Variants in KIF21B observed in about 807,000 individuals in gnomAD.
KIF21B encodes kinesin family member 21B.
Under a neutral mutation model 192.9 loss-of-function variants are expected in KIF21B, and 85 were observed. The ratio of observed to expected loss-of-function variants is 0.44; its 90% CI spans 0.37 to 0.53. The LOEUF is 0.53. KIF21B is among the 20% of genes least tolerant of loss of function. The pLI is 0.00. For synonymous variants in KIF21B, 832 were observed against 884.6 expected (o/e 0.94, Z 1.05); for missense variants, 1,716 against 2,194.8 (o/e 0.78, Z 4.36).
chr1:200,999,429 T>A lies in KIF21B; in HGVS notation c.1805A>T (p.Glu602Val). The change falls in exon 13 of 35, where the codon GAG (glutamate) becomes GTG (valine). Residue 602 changes from glutamate (E) to valine (V), a missense_variant. Physicochemically the swap from Glu to Val is moderately radical, Grantham distance 121 (BLOSUM62 -2). This residue lies in a region of KIF21B where 1,087 missense variants were observed against 1,316.6 expected (regional missense o/e 0.83). Coordinates refer to ENST00000461742, the MANE Select transcript of KIF21B (RefSeq NM_001252102.2). This position sits in a 1 kb window ranked among gnomAD's most constrained non-coding sequence, Gnocchi z 4.7. ...EERDESGCEE[E>V]EGREDEDEDS... ...CTCATCTTCATCCTCGCGCCCTTCC[T>A]CCTCCTCACAGCCACTCTCGTCTCG... The A allele has an allele frequency of 1.2e-6, 2 of 1,613,982 alleles. No individual in the cohort carries two copies. The highest frequency in any genetic ancestry group is 1.7e-6 in the Non-Finnish European group (2 of 1,179,958).
intron 17 of KIF21B, 101 bp downstream of exon 17, chr1:200,991,556 C>A: frequency 1.6e-6 from 2 of 1,218,980 alleles, no homozygotes; most frequent in Non-Finnish European, 1.2e-6. Context: ...TATTCCACCG[C>A]CAGGAAGTTG....
At chr1:201,003,214 A>G (rs1421513989) in intron 8 of KIF21B, 1 of 322,768 alleles carries the variant, frequency 3.1e-6, no homozygotes, top group Non-Finnish European at 6.0e-6. Context: ...CCCTCTATCA[A>G]CGATTCTGTG....
rs1460951792 is a variant in KIF21B, at chr1:201,017,134, C to T, written c.41+6209G>A. On this transcript the variant is annotated intron_variant, in intron 1 of 34. Coordinates refer to ENST00000461742, the MANE Select transcript of KIF21B (RefSeq NM_001252102.2). This position sits in a 1 kb window ranked among gnomAD's most constrained non-coding sequence, Gnocchi z 4.1. ...GGCTAACAGGGGAGGGGGTGCCTGC[C>T]ATGAGGCACCTTGAGAGTCCTGTTG... Among the ~76,000 whole-genome samples the T allele has an allele frequency of 2.0e-5, 3 of 152,144 alleles. No individual in the cohort carries two copies. Among genetic ancestry groups the T allele is most frequent in the Non-Finnish European group, 4.4e-5 (3 of 68,018 alleles).
chr1:200,993,155 G>A (rs911084306), intron 15 of KIF21B, among the ~76,000 whole-genome samples: 8 of 152,214 alleles, frequency 5.3e-5, no homozygotes, highest in South Asian at 4.1e-4. Flanking sequence ...CCATTAGTGC[G>A]GCCGGAGGCG....
intron 15 of KIF21B, 100 bp from the exon 16 acceptor site, chr1:200,992,489 G>A: frequency 8.1e-7 from 1 of 1,241,792 alleles, no homozygotes; most frequent in Non-Finnish European, 1.2e-6. Context: ...GGCAGGGATA[G>A]TGGCTAGCCA....
intron 14 of KIF21B, among the ~76,000 whole-genome samples, chr1:200,997,270 G>A (rs1291851955): frequency 6.6e-6 from 1 of 152,282 alleles, no homozygotes; most frequent in South Asian, 2.1e-4. Context: ...CCCTCTCACT[G>A]TGCTCTAACC....
intron 21 of KIF21B, 132 bp from the exon 22 acceptor site, chr1:200,989,063 A>T (rs1484290574): frequency 2.1e-6 from 2 of 949,034 alleles, no homozygotes; most frequent in Non-Finnish European, 3.1e-6. Context: ...TGTACCTGGC[A>T]CAGACCTGAG....
At chr1:200,987,870 A>T (rs1202372458) in intron 24 of KIF21B, among the ~76,000 whole-genome samples, 1 of 152,220 alleles carries the variant, frequency 6.6e-6, no homozygotes, top group African/African-American at 2.4e-5. Flanking sequence ...ATCCCTCATT[A>T]TTAGGTAAAC....
chr1:201,007,795 CAT>C lies in KIF21B; in HGVS notation c.447+972_447+973del, dbSNP rs1240586770. On this transcript the variant is annotated intron_variant, in intron 3 of 34. Transcript: ENST00000461742. The stretch of plus-strand genomic sequence containing the variant: ...ACATACAAAGATGCGCACACAGACA[CAT>C]AGACACACACATAGACACACAAGAC... Among the ~76,000 whole-genome samples, 4 of 151,836 alleles carry C rather than the reference CAT, an allele frequency of 2.6e-5. No homozygotes were observed. In the East Asian group the frequency reaches 5.8e-4, roughly 22 times the overall value.
At chr1:200,974,657 G>A (rs1655425475) in intron 34 of KIF21B, 57 bp downstream of exon 34, 11 of 1,429,878 alleles carry the variant, frequency 7.7e-6, no homozygotes, top group Non-Finnish European at 1.0e-5. Flanking sequence ...AGCCTCCCCT[G>A]CCCACACCAG....
Position 201,002,300 on chromosome 1 carries a change from G to T in KIF21B, c.1263C>A (p.Phe421Leu), listed in dbSNP as rs772692795. The T allele has an allele frequency of 3.3e-5, 53 of 1,614,060 alleles. No individual in the cohort carries two copies. The highest frequency in any genetic ancestry group is 5.0e-5 in the Admixed American group (3 of 59,994). Residue 421 changes from phenylalanine (F) to leucine (L), a missense_variant, in exon 9 of 35, where the codon TTC becomes TTA. Phe to Leu is a conservative substitution (Grantham distance 22). Coordinates refer to ENST00000461742, the MANE Select transcript of KIF21B (RefSeq NM_001252102.2). ...CCTTCTGTAGCATGGCATTCTCTCGGAACAGATCACTATAGCCCTCAGCGC... is the reference window on the plus strand; with the variant it reads ...CCTTCTGTAGCATGGCATTCTCTCGTAACAGATCACTATAGCCCTCAGCGC... Reference protein sequence around the residue: ...EDGAEGYSDLFRENAMLQKEN... With the variant: ...EDGAEGYSDLLRENAMLQKEN...
chr1:200,975,790 T>A lies in KIF21B; in HGVS notation c.4444-121A>T. 1.0e-6 allele frequency: 1 copy of A among 998,602 alleles called. No homozygotes were observed. The allele number at this position is 998,602 out of a possible 1,614,324, so 61.9% of individuals were successfully genotyped here. A position where few individuals can be genotyped will look rare whatever the true frequency, so the allele number is the denominator to read the frequency against. ...CTGGCTAGGGTGACAGCCACTGCCC[T>A]CTGGGGAGAGGAGCTTCCCAGCAGG... On this transcript the variant is annotated intron_variant, in intron 32 of 34. Transcript: ENST00000461742. This position sits in a 1 kb window ranked among gnomAD's most constrained non-coding sequence, Gnocchi z 4.3.
In KIF21B at chr1:200,999,580, G is replaced by A. The variant is rs1657328447; in HGVS notation, c.1768-114C>T. ...GTCAGGAGGGTGGGGATTGGGGCAG[G>A]CCACAGCTGAGCCCCCCTGCCCACC... On this transcript the variant is annotated intron_variant, in intron 12 of 34. Transcript: ENST00000461742. The surrounding 1 kb of genome is among the most constrained non-coding windows in gnomAD (Gnocchi z 4.7). 3 of 1,527,434 alleles carry A rather than the reference G, an allele frequency of 2.0e-6. No individual in the cohort carries two copies. Among genetic ancestry groups the A allele is most frequent in the Non-Finnish European group, 2.6e-6 (3 of 1,137,180 alleles). The allele number at this position is 1,527,434 out of a possible 1,614,324, so 94.6% of individuals were successfully genotyped here. A position where few individuals can be genotyped will look rare whatever the true frequency, so the allele number is the denominator to read the frequency against.
At position 200,973,496 on chromosome 1, in the gene KIF21B, C is replaced by T. The variant is rs1246433663; in HGVS notation, c.*25G>A. ...GTCCAGGCTGCTGGGGTCGAGGGTC[C>T]GGGGGCATCCCTCTGACCTCACTCC... On this transcript the variant is annotated 3_prime_UTR_variant, in exon 35 of 35. Transcript: ENST00000461742. 16 of 1,436,976 alleles carry T rather than the reference C, an allele frequency of 1.1e-5. 1 individual carries two copies. Among genetic ancestry groups the T allele is most frequent in the South Asian group, 8.7e-5 (6 of 68,662 alleles). 89.0% of individuals were successfully genotyped at this position (1,436,976 alleles called of 1,614,324 possible).
At chr1:201,007,367 CACACAGAGACAGAG>C (rs1571960131) in intron 3 of KIF21B, among the ~76,000 whole-genome samples, 95 of 100,338 alleles carry the variant, frequency 9.5e-4, no homozygotes, top group African/African-American at 1.2e-3. Flanking sequence ...CACACACACA[CACACAGAGACAGAG>C]ACACACAGAC....
At position 200,993,059 on chromosome 1, in the gene KIF21B, C is replaced by T. The variant is rs141035121; in HGVS notation, c.2278-670G>A. The stretch of plus-strand genomic sequence containing the variant: ...CTTCCTGCAGCCCCAGGGATGGCTC[C>T]GTGGTAGGTCAGCAAAGCTAAGGAC... On this transcript the variant is annotated intron_variant, in intron 15 of 34. Transcript: ENST00000461742. 1.8e-3 allele frequency among the ~76,000 whole-genome samples: 270 copies of T among 152,332 alleles called. 2 individuals are homozygous for T. Among genetic ancestry groups the T allele is most frequent in the African/African-American group, 6.0e-3 (248 of 41,582 alleles).
At chr1:201,020,843 AATCAGAC>A (rs1658782271) in intron 1 of KIF21B, among the ~76,000 whole-genome samples, 1 of 150,906 alleles carries the variant, frequency 6.6e-6, no homozygotes, top group Non-Finnish European at 1.5e-5. Context: ...ACACACACAC[AATCAGAC>A]CACACCTGTC....
At chr1:200,974,639 A>G in intron 34 of KIF21B, 75 bp downstream of exon 34, 1 of 1,475,792 alleles carries the variant, frequency 6.8e-7, no homozygotes, top group Non-Finnish European at 9.2e-7. Flanking sequence ...CAGGGCCCTG[A>G]GCCTCCCAGC....
chr1:200,999,269 T>C lies in KIF21B; in HGVS notation c.1885+80A>G. 7 of 1,567,050 alleles carry C rather than the reference T, an allele frequency of 4.5e-6. No individual in the cohort carries two copies. In the South Asian group the frequency reaches 7.8e-5, roughly 17 times the overall value. ...GCTGGGGCCTGGACACCATTATCTT[T>C]GAGCAGGGCCCGACCCCACACTTGG... On this transcript the variant is annotated intron_variant, in intron 13 of 34. Coordinates refer to ENST00000461742, the MANE Select transcript of KIF21B (RefSeq NM_001252102.2). This position sits in a 1 kb window ranked among gnomAD's most constrained non-coding sequence, Gnocchi z 4.7.
Sources: gnomAD v4.1 joint callset for allele counts (sites outside exome capture counted in the v4.1 genomes callset) on GRCh38, gnomAD v4.1.1 for gene constraint, gnomAD v4.1.1 regional missense constraint, Gnocchi (gnomAD v3.1) non-coding constraint, MANE v1.5 for transcripts, NCBI Gene and HGNC (gene_info 2026-07-23, HGNC 2026-07-21) for gene names.